Variants in PRH1 observed in about 807,000 individuals in gnomAD.
PRH1 encodes proline rich protein HaeIII subfamily 1, also known as salivary acidic proline-rich phosphoprotein 1/2.
A neutral mutation model predicts 7.9 loss-of-function variants in PRH1; 7 were observed. That is an observed-to-expected ratio of 0.89 (90% CI 0.50 to 1.67). The LOEUF (loss-of-function observed/expected upper bound fraction) is 1.67. Ranked by LOEUF, PRH1 falls within the 40% of genes most tolerant of loss-of-function variation. The pLI is 0.00. For synonymous variants in PRH1, 45 were observed against 80.8 expected (o/e 0.56, Z 2.38); for missense variants, 109 against 223.6 (o/e 0.49, Z 3.27).
chr12:10,959,631 G>A (rs1938142106), intron 2 of PRH1, among the ~76,000 whole-genome samples: 1 of 152,026 alleles, frequency 6.6e-6, no homozygotes, highest in Non-Finnish European at 1.5e-5. Context: ...TTCTATCTAT[G>A]TATTTCTTCA....
chr12:11,021,878 T>A (rs1385472816), intron 1 of PRH1: 1 of 1,614,056 alleles, frequency 6.2e-7, no homozygotes, highest in African/African-American at 1.3e-5. Flanking sequence ...AGGAAGGAGG[T>A]CACAGTTTGC....
chr12:11,110,096 A>T (rs1945542557), intron 1 of PRH1, among the ~76,000 whole-genome samples: 1 of 152,160 alleles, frequency 6.6e-6, no homozygotes, highest in Non-Finnish European at 1.5e-5. Flanking sequence ...TTAATGAAAT[A>T]ATGCATGAAG....
At chr12:11,041,744 A>G (rs771744076) in intron 1 of PRH1, among the ~76,000 whole-genome samples, 3 of 152,204 alleles carry the variant, frequency 2.0e-5, no homozygotes, top group Non-Finnish European at 2.9e-5. Flanking sequence ...AACAAGTCTT[A>G]AACAATCCAA....
chr12:11,143,779 A>G (rs1490747071), intron 1 of PRH1, among the ~76,000 whole-genome samples: 1 of 152,210 alleles, frequency 6.6e-6, no homozygotes, highest in Non-Finnish European at 1.5e-5. Flanking sequence ...AAAGGATATA[A>G]CAATTGTAAA....
chr12:11,086,270 T>C (rs75978003), intron 1 of PRH1, among the ~76,000 whole-genome samples: 61,794 of 123,004 alleles, frequency 0.5, 11,328 homozygotes, highest in Non-Finnish European at 0.59. Context: ...TTGAGTCTAA[T>C]ACTTAAATCT....
At chr12:11,093,082 A>C (rs1262415098) in intron 1 of PRH1, among the ~76,000 whole-genome samples, 1 of 115,740 alleles carries the variant, frequency 8.6e-6, no homozygotes, top group Non-Finnish European at 2.0e-5. Context: ...AGTGTTTGCA[A>C]TTTTTCCTTG....
At chr12:11,013,928 CAT>C (rs1296272942) in intron 1 of PRH1, among the ~76,000 whole-genome samples, 8,966 of 110,146 alleles carry the variant, frequency 0.081, no homozygotes, top group East Asian at 0.35. Context: ...TGGGTTTCAC[CAT>C]GTTTCCCAGG....
intron 1 of PRH1, among the ~76,000 whole-genome samples, chr12:11,121,486 A>G (rs1945901874): frequency 1.3e-5 from 2 of 152,246 alleles, no homozygotes; most frequent in South Asian, 4.1e-4. Context: ...AAATGGAAAT[A>G]CTTGACATCA....
At position 11,054,602 on chromosome 12, in the gene PRH1, G is replaced by T. The variant is rs545891543; in HGVS notation, n.124-7414C>A. On this transcript the variant is annotated intron_variant and non_coding_transcript_variant, in intron 1 of 4. Coordinates refer to the PRH1 transcript ENST00000541977. ...ACATGCATGGTATAATCTTTGAATG[G>T]TAAAAATGGGCATAATTATTTCATT... 2.0e-5 allele frequency among the ~76,000 whole-genome samples: 3 copies of T among 148,346 alleles called. No homozygotes were observed. In the South Asian group the frequency reaches 6.5e-4, roughly 32 times the overall value.
At chr12:10,971,362 TGTGA>T (rs71874409) in intron 2 of PRH1, among the ~76,000 whole-genome samples, 36,838 of 151,586 alleles carry the variant, frequency 0.24, 4,472 homozygotes, top group Non-Finnish European at 0.25. Context: ...CTCTTACACT[TGTGA>T]GTATTATCTA....
rs139253542 is a variant in PRH1, at chr12:10,922,825, C to CTTTTTTTTTTTTTTTTTTTTTTTTTT, written c.-58-38551_-58-38550insAAAAAAAAAAAAAAAAAAAAAAAAAA. ...ATTGCATCTTTTCCATGAATTTTTT[C>CTTTTTTTTTTTTTTTTTTTTTTTTTT]TTTTTCTTTTTTTTGAGACGGAGTC... On this transcript the variant is annotated intron_variant, in intron 2 of 3. Transcript: ENST00000539853. Among the ~76,000 whole-genome samples the CTTTTTTTTTTTTTTTTTTTTTTTTTT allele has an allele frequency of 1.8e-5, 2 of 113,550 alleles. 1 individual carries two copies. The highest frequency in any genetic ancestry group is 3.5e-5 in the Non-Finnish European group (2 of 57,060). 74.5% of individuals were successfully genotyped at this position (113,550 alleles called of 152,430 possible).
chr12:10,897,515 A>G (rs1949664644), intron 2 of PRH1, among the ~76,000 whole-genome samples: 1 of 152,202 alleles, frequency 6.6e-6, no homozygotes, highest in Non-Finnish European at 1.5e-5. Context: ...GAATTAGTCT[A>G]TTCTTGCATT....
At chr12:11,143,151 T>G (rs536198877) in intron 1 of PRH1, among the ~76,000 whole-genome samples, 2 of 152,066 alleles carry the variant, frequency 1.3e-5, no homozygotes, top group African/African-American at 4.8e-5. Flanking sequence ...TTTGAAGATA[T>G]AGACAGCACA....
Position 11,099,712 on chromosome 12 carries a change from C to A in PRH1, n.124-52524G>T, listed in dbSNP as rs923890792. On this transcript the variant is annotated intron_variant and non_coding_transcript_variant, in intron 1 of 4. Transcript: ENST00000541977. ...ACTCCATCTCAAAAAACAGAAAACA[C>A]ACACACACACAAATGAAATCCAAAG... 2.0e-5 allele frequency among the ~76,000 whole-genome samples: 3 copies of A among 152,152 alleles called. No homozygotes were observed. The South Asian group carries it at 6.2e-4, about 32-fold the overall frequency.
intron 1 of PRH1, among the ~76,000 whole-genome samples, chr12:11,170,551 A>C (rs1947800681): frequency 6.6e-6 from 1 of 152,218 alleles, no homozygotes; most frequent in African/African-American, 2.4e-5. Flanking sequence ...CCGTCTCAAA[A>C]ACAACAACAA....
chr12:11,062,940 C>T (rs1943674934), intron 1 of PRH1, among the ~76,000 whole-genome samples: 1 of 152,072 alleles, frequency 6.6e-6, no homozygotes, highest in African/African-American at 2.4e-5. Context: ...TAAATACACA[C>T]ACAAACACAC....
Position 11,128,183 on chromosome 12 carries a change from C to T in PRH1, n.40-7003G>A, listed in dbSNP as rs530744495. Among the ~76,000 whole-genome samples, 7 of 149,594 alleles carry T rather than the reference C, an allele frequency of 4.7e-5. No homozygotes were observed. The East Asian group carries it at 5.9e-4, about 13-fold the overall frequency. On this transcript the variant is annotated intron_variant and non_coding_transcript_variant, in intron 1 of 1. Transcript: ENST00000541175. Reference sequence around the variant, plus strand: ...AACTATTCCTTGGGCACTAAAAAAACATGTTTTCCATAGAAGAATTTACAC... The same window carrying T: ...AACTATTCCTTGGGCACTAAAAAAATATGTTTTCCATAGAAGAATTTACAC...
At chr12:11,062,670 C>T (rs1943664206) in intron 1 of PRH1, among the ~76,000 whole-genome samples, 1 of 152,040 alleles carries the variant, frequency 6.6e-6, no homozygotes. Flanking sequence ...CTTGTGTAAC[C>T]TCTCCATCAT....
intron 1 of PRH1, among the ~76,000 whole-genome samples, chr12:10,991,530 A>T (rs534797941): frequency 6.6e-6 from 1 of 152,292 alleles, no homozygotes; most frequent in South Asian, 2.1e-4. Context: ...TGTGACTTTT[A>T]AATGTAACTT....
Sources: gnomAD v4.1 joint callset for allele counts (sites outside exome capture counted in the v4.1 genomes callset) on GRCh38, gnomAD v4.1.1 for gene constraint, MANE v1.5 for transcripts, NCBI Gene and HGNC (gene_info 2026-07-23, HGNC 2026-07-21) for gene names.